Variants in WDPCP observed in about 807,000 individuals in gnomAD.
The protein encoded by WDPCP is WD repeat-containing and planar cell polarity effector protein fritz homolog.
In WDPCP, 71 loss-of-function variants were observed where a neutral mutation model predicts 93.1. The ratio of observed to expected loss-of-function variants is 0.76; its 90% CI spans 0.63 to 0.93. WDPCP has a LOEUF of 0.93. Ranked by LOEUF, WDPCP falls within the 40% of genes least tolerant of loss-of-function variation. The probability of loss-of-function intolerance (pLI) is 0.00; values close to 1 mark genes in which losing one functional copy is unlikely to be tolerated. For synonymous variants in WDPCP, 315 were observed against 315.0 expected (o/e 1.00, Z 0.00); for missense variants, 844 against 887.4 (o/e 0.95, Z 0.62).
intron 10 of WDPCP, among the ~76,000 whole-genome samples, chr2:63,390,511 C>T (rs941116083): frequency 2.6e-5 from 4 of 152,082 alleles, no homozygotes; most frequent in African/African-American, 9.7e-5. Flanking sequence ...AGAGCAAACA[C>T]ATTCAAAAGC....
At chr2:63,799,306 TAG>T (rs1558913464) in intron 2 of WDPCP, among the ~76,000 whole-genome samples, 1 of 152,170 alleles carries the variant, frequency 6.6e-6, no homozygotes, top group Non-Finnish European at 1.5e-5. Context: ...GAGTGAACCA[TAG>T]AAGATAATTG....
At chr2:63,718,599 T>G (rs188020652) in intron 2 of WDPCP, among the ~76,000 whole-genome samples, 18 of 152,336 alleles carry the variant, frequency 1.2e-4, no homozygotes, top group Admixed American at 1.1e-3. Context: ...TTAATGGGGT[T>G]GTTTTTTTCC....
At chr2:63,713,224 C>A (rs1669288801) in intron 2 of WDPCP, among the ~76,000 whole-genome samples, 1 of 152,166 alleles carries the variant, frequency 6.6e-6, no homozygotes, top group African/African-American at 2.4e-5. Context: ...AGTTTTAATT[C>A]CATCACACAC....
intron 14 of WDPCP, among the ~76,000 whole-genome samples, chr2:63,209,696 A>G (rs1003876758): frequency 6.6e-6 from 1 of 152,228 alleles, no homozygotes; most frequent in Non-Finnish European, 1.5e-5. Flanking sequence ...TACTTCAATG[A>G]CAGCATCTTT....
intron 3 of WDPCP, among the ~76,000 whole-genome samples, chr2:63,634,910 A>G (rs1709905621): frequency 6.6e-6 from 1 of 152,138 alleles, no homozygotes; most frequent in East Asian, 1.9e-4. Flanking sequence ...TAGAGAGTAG[A>G]AAAGCAATAG....
intron 1 of WDPCP, among the ~76,000 whole-genome samples, chr2:63,524,070 C>T (rs1703142491): frequency 6.6e-6 from 1 of 152,108 alleles, no homozygotes; most frequent in Non-Finnish European, 1.5e-5. Flanking sequence ...AAGTGGAACA[C>T]CTCCACAATG....
chr2:63,445,978 C>CA (rs1385941254), intron 6 of WDPCP, among the ~76,000 whole-genome samples: 4 of 152,090 alleles, frequency 2.6e-5, no homozygotes, highest in Non-Finnish European at 5.9e-5. Flanking sequence ...AGCAATTAAT[C>CA]AAAGGTCTCA....
At chr2:63,441,046 T>C (rs942082015) in intron 6 of WDPCP, 1 of 152,160 alleles carries the variant, frequency 6.6e-6, no homozygotes, top group Non-Finnish European at 1.5e-5. Context: ...CATTTACTGT[T>C]AGAACTCTTG....
At chr2:63,453,988 G>A (rs1458626345) in intron 6 of WDPCP, among the ~76,000 whole-genome samples, 1 of 150,406 alleles carries the variant, frequency 6.6e-6, no homozygotes, top group Non-Finnish European at 1.5e-5. Context: ...GATAGCATTA[G>A]GAGATATACC....
intron 2 of WDPCP, among the ~76,000 whole-genome samples, chr2:63,723,423 T>C (rs2103800520): frequency 6.6e-6 from 1 of 152,318 alleles, no homozygotes; most frequent in South Asian, 2.1e-4. Flanking sequence ...TTTTCCCTGG[T>C]CAGATTCTGC....
At chr2:63,455,398 T>C (rs1698546608) in intron 6 of WDPCP, among the ~76,000 whole-genome samples, 1 of 144,684 alleles carries the variant, frequency 6.9e-6, no homozygotes, top group East Asian at 2.0e-4. Flanking sequence ...CTAAGAAATG[T>C]ACTTTACTTG....
chr2:63,359,167 A>T (rs958581717), intron 12 of WDPCP, among the ~76,000 whole-genome samples: 2 of 151,456 alleles, frequency 1.3e-5, no homozygotes, highest in South Asian at 4.1e-4. Context: ...CTTTGCCAAT[A>T]TTTGAGTCTT....
intron 11 of WDPCP, 125 bp downstream of exon 11, chr2:63,381,781 A>C (rs1692327649): frequency 1.1e-6 from 1 of 948,062 alleles, no homozygotes; most frequent in Non-Finnish European, 1.6e-6. Context: ...GTTTTAATAG[A>C]GCACTAACAT....
chr2:63,665,096 C>G (rs1710267615), intron 2 of WDPCP, among the ~76,000 whole-genome samples: 1 of 152,176 alleles, frequency 6.6e-6, no homozygotes, highest in African/African-American at 2.4e-5. Flanking sequence ...CTATCAGAAG[C>G]CTAGGATAAG....
At chr2:63,712,827 G>A (rs1189818513) in intron 2 of WDPCP, among the ~76,000 whole-genome samples, 1 of 152,172 alleles carries the variant, frequency 6.6e-6, no homozygotes, top group Non-Finnish European at 1.5e-5. Context: ...CACCCAAGTT[G>A]CCCTGCCTGC....
intron 11 of WDPCP, among the ~76,000 whole-genome samples, chr2:63,378,920 A>G (rs1328434609): frequency 6.6e-6 from 1 of 152,182 alleles, no homozygotes; most frequent in Non-Finnish European, 1.5e-5. Context: ...AAATCGATAT[A>G]GCAGAAATGT....
intron 14 of WDPCP, among the ~76,000 whole-genome samples, chr2:63,225,281 T>C (rs1678192209): frequency 6.6e-6 from 1 of 151,724 alleles, no homozygotes; most frequent in Non-Finnish European, 1.5e-5. Context: ...AAAAGATATA[T>C]CCAAATTCCC....
At chr2:63,793,809 T>C (rs1670577185) in intron 2 of WDPCP, among the ~76,000 whole-genome samples, 1 of 152,002 alleles carries the variant, frequency 6.6e-6, no homozygotes, top group South Asian at 2.1e-4. Context: ...ATAAATATTA[T>C]TGACAATTTA....
intron 1 of WDPCP, among the ~76,000 whole-genome samples, chr2:63,506,602 G>A (rs1158712016): frequency 8.5e-5 from 13 of 152,076 alleles, no homozygotes; most frequent in Non-Finnish European, 1.9e-4. Context: ...AAAAGCACAC[G>A]TACTGGAACC....
Sources: gnomAD v4.1 joint callset for allele counts (sites outside exome capture counted in the v4.1 genomes callset) on GRCh38, gnomAD v4.1.1 for gene constraint, MANE v1.5 for transcripts, NCBI Gene and HGNC (gene_info 2026-07-23, HGNC 2026-07-21) for gene names.